Variants in KIRREL3 observed in about 807,000 individuals in gnomAD.
The protein encoded by KIRREL3 is kirre like nephrin family adhesion molecule 3, also known as kin of IRRE-like protein 3.
A neutral mutation model predicts 89.7 loss-of-function variants in KIRREL3; 36 were observed. That is an observed-to-expected ratio of 0.40 (90% CI 0.31 to 0.53). The LOEUF (loss-of-function observed/expected upper bound fraction) is 0.53. Ranked by LOEUF, KIRREL3 falls within the 20% of genes least tolerant of loss-of-function variation. The pLI is 0.49. For synonymous variants in KIRREL3, 445 were observed against 441.4 expected (o/e 1.01, Z -0.10); for missense variants, 864 against 1,056.6 (o/e 0.82, Z 2.53).
At chr11:126,972,655 A>G (rs555107157) in intron 1 of KIRREL3, among the ~76,000 whole-genome samples, 1 of 152,190 alleles carries the variant, frequency 6.6e-6, no homozygotes, top group African/African-American at 2.4e-5. Flanking sequence ...GACATGCCCA[A>G]TGTTGTTTTC....
intron 1 of KIRREL3, among the ~76,000 whole-genome samples, chr11:126,857,138 T>G (rs1278409864): frequency 6.6e-6 from 1 of 152,160 alleles, no homozygotes; most frequent in Non-Finnish European, 1.5e-5. Context: ...CTCCATACAC[T>G]GAAGGACATG....
At position 127,000,637 on chromosome 11, in the gene KIRREL3, G is replaced by A; in HGVS notation, c.-128C>T. The A allele has an allele frequency of 1.1e-6, 1 of 879,878 alleles. No homozygotes were observed. The highest frequency in any genetic ancestry group is 2.5e-5 in the Admixed American group (1 of 40,530). 54.5% of individuals were successfully genotyped at this position (879,878 alleles called of 1,614,324 possible). ...CGCGCCTACCATCTGTCCGTCCGTG[G>A]GTCCCTCCGGGTGGCTTCGGTCTCT... On this transcript the variant is annotated 5_prime_UTR_variant, in exon 1 of 17. Coordinates refer to ENST00000525144, the MANE Select transcript of KIRREL3 (RefSeq NM_032531.4). The surrounding 1 kb of genome is among the most constrained non-coding windows in gnomAD (Gnocchi z 7.1).
chr11:126,808,284 C>T lies in KIRREL3; in HGVS notation c.55+192171G>A, dbSNP rs1592156392. ...CTTATTTGAAAATTAAATGTCTTCA[C>T]TTCTTTTCCAGGAGGCTCCATGACC... On this transcript the variant is annotated intron_variant, in intron 1 of 16. Coordinates refer to ENST00000525144, the MANE Select transcript of KIRREL3 (RefSeq NM_032531.4). The surrounding 1 kb of genome is among the most constrained non-coding windows in gnomAD (Gnocchi z 4.1). 6.6e-6 allele frequency among the ~76,000 whole-genome samples: 1 copy of T among 152,176 alleles called. No homozygotes were observed. The highest frequency in any genetic ancestry group is 6.5e-5 in the Admixed American group (1 of 15,278).
intron 1 of KIRREL3, among the ~76,000 whole-genome samples, chr11:126,618,517 C>T (rs1394071074): frequency 6.6e-6 from 1 of 152,182 alleles, no homozygotes; most frequent in East Asian, 1.9e-4. Flanking sequence ...TCACTGCAAA[C>T]TCCGCCTCCT....
In KIRREL3 at chr11:126,581,775, C is replaced by T. The variant is rs114267241; in HGVS notation, c.56-18863G>A. Among the ~76,000 whole-genome samples the T allele has an allele frequency of 4.1e-3, 628 of 152,188 alleles. 3 individuals carry two copies. The highest frequency in any genetic ancestry group is 0.014 in the African/African-American group (597 of 41,518). ...TAATAGACAGGAGTCTCCTCTTGAACCAGGGTTATGTCTCAGAACCAGAGT... is the reference window on the plus strand; with the variant it reads ...TAATAGACAGGAGTCTCCTCTTGAATCAGGGTTATGTCTCAGAACCAGAGT... On this transcript the variant is annotated intron_variant, in intron 1 of 16. Coordinates refer to ENST00000525144, the MANE Select transcript of KIRREL3 (RefSeq NM_032531.4).
At chr11:126,815,707 G>A (rs1951547170) in intron 1 of KIRREL3, among the ~76,000 whole-genome samples, 1 of 151,944 alleles carries the variant, frequency 6.6e-6, no homozygotes, top group Non-Finnish European at 1.5e-5. Context: ...CTAATTTTTT[G>A]TATGTTTTTA....
chr11:126,851,352 T>A (rs777519842), intron 1 of KIRREL3, among the ~76,000 whole-genome samples: 40 of 152,142 alleles, frequency 2.6e-4, no homozygotes, highest in Non-Finnish European at 5.1e-4. Flanking sequence ...TATTCAGACA[T>A]TTGGGGTGCA....
chr11:126,481,128 T>C (rs1490308595), intron 4 of KIRREL3, among the ~76,000 whole-genome samples: 4 of 152,150 alleles, frequency 2.6e-5, no homozygotes, highest in African/African-American at 9.7e-5. Flanking sequence ...AGACAATAAA[T>C]GAATACACAA....
chr11:126,550,445 G>C lies in KIRREL3; in HGVS notation c.133+12390C>G, dbSNP rs943467049. 6 of 152,208 alleles carry C rather than the reference G, an allele frequency of 3.9e-5. No individual in the cohort carries two copies. Among genetic ancestry groups the C allele is most frequent in the African/African-American group, 1.4e-4 (6 of 41,458 alleles). The allele number at this position is 152,208 out of a possible 1,614,324, so 9.4% of individuals were successfully genotyped here. A position where few individuals can be genotyped will look rare whatever the true frequency, so the allele number is the denominator to read the frequency against. On this transcript the variant is annotated intron_variant, in intron 2 of 16. Coordinates refer to ENST00000525144, the MANE Select transcript of KIRREL3 (RefSeq NM_032531.4). The surrounding 1 kb of genome is among the most constrained non-coding windows in gnomAD (Gnocchi z 4.9). ...GTGGATCACCCGAGGTCAGGAGTTTGAGACCAGCCTGCCCAACATGGCGAA... is the reference window on the plus strand; with the variant it reads ...GTGGATCACCCGAGGTCAGGAGTTTCAGACCAGCCTGCCCAACATGGCGAA...
intron 2 of KIRREL3, among the ~76,000 whole-genome samples, chr11:126,540,027 T>A (rs1938232283): frequency 2.6e-5 from 4 of 152,304 alleles, no homozygotes; most frequent in South Asian, 2.1e-4. Flanking sequence ...CATATCGGGA[T>A]GGCAAGAGAT....
chr11:126,550,052 G>T lies in KIRREL3; in HGVS notation c.133+12783C>A, dbSNP rs1939135954. 6.6e-6 allele frequency: 1 copy of T among 152,200 alleles called. No individual in the cohort carries two copies. The highest frequency in any genetic ancestry group is 2.4e-5 in the African/African-American group (1 of 41,426). The allele number at this position is 152,200 out of a possible 1,614,324, so 9.4% of individuals were successfully genotyped here. The stretch of plus-strand genomic sequence containing the variant: ...TTATTCATACCCGGTTACCGCAACT[G>T]CGACATTGTATTGTAGTTGCTGACG... On this transcript the variant is annotated intron_variant, in intron 2 of 16. Coordinates refer to ENST00000525144, the MANE Select transcript of KIRREL3 (RefSeq NM_032531.4). The surrounding 1 kb of genome is among the most constrained non-coding windows in gnomAD (Gnocchi z 4.9).
chr11:126,721,529 CAAA>C lies in KIRREL3; in HGVS notation c.56-158620_56-158618del, dbSNP rs11410774. ...GGGCAACAAGAGTAAAACTCCGTCT[CAAA>C]AAAAAAAAAAAAAATAGAATCATGA... On this transcript the variant is annotated intron_variant, in intron 1 of 16. Transcript: ENST00000525144. 7.2e-3 allele frequency among the ~76,000 whole-genome samples: 971 copies of C among 135,784 alleles called. 14 individuals carry two copies. The highest frequency in any genetic ancestry group is 0.048 in the East Asian group (219 of 4,556). 89.1% of individuals were successfully genotyped at this position (135,784 alleles called of 152,430 possible).
chr11:126,857,750 C>A (rs1430687434), intron 1 of KIRREL3, among the ~76,000 whole-genome samples: 1 of 103,456 alleles, frequency 9.7e-6, no homozygotes, highest in Non-Finnish European at 1.8e-5. Context: ...AAGGAATCAG[C>A]CAATGCGTGT....
rs186551598 is a variant in KIRREL3 at position 126,945,427 on chromosome 11, G to T, written c.55+55028C>A. On this transcript the variant is annotated intron_variant, in intron 1 of 16. Transcript: ENST00000525144. ...TTCCAGCAGTTCACTCCTTTAAAGA[G>T]AAATCATTCTCTCCCGTGTCTCCGC... Among the ~76,000 whole-genome samples the T allele has an allele frequency of 2.6e-5, 4 of 152,282 alleles. No homozygotes were observed. The East Asian group carries it at 7.7e-4, about 29-fold the overall frequency.
At chr11:126,735,965 G>A (rs1201419553) in intron 1 of KIRREL3, among the ~76,000 whole-genome samples, 1 of 152,186 alleles carries the variant, frequency 6.6e-6, no homozygotes, top group African/African-American at 2.4e-5. Context: ...TTCAGCAGAG[G>A]TCTGGGTTTA....
At position 126,606,900 on chromosome 11, in the gene KIRREL3, G is replaced by A. The variant is rs1942913047; in HGVS notation, c.56-43988C>T. The stretch of plus-strand genomic sequence containing the variant: ...CAAGGGAGGACTCTGGATGGGAAAG[G>A]GGAGAAGCTCAGATGATGGGAAGGG... On this transcript the variant is annotated intron_variant, in intron 1 of 16. Transcript: ENST00000525144. This position sits in a 1 kb window ranked among gnomAD's most constrained non-coding sequence, Gnocchi z 4.6. Among the ~76,000 whole-genome samples the A allele has an allele frequency of 6.6e-6, 1 of 152,060 alleles. No individual in the cohort carries two copies. The highest frequency in any genetic ancestry group is 6.6e-5 in the Admixed American group (1 of 15,266).
At chr11:126,871,705 T>C (rs1945115502) in intron 1 of KIRREL3, among the ~76,000 whole-genome samples, 1 of 152,180 alleles carries the variant, frequency 6.6e-6, no homozygotes, top group South Asian at 2.1e-4. Context: ...TTTGAGCATC[T>C]TCATGATAAT....
intron 4 of KIRREL3, among the ~76,000 whole-genome samples, chr11:126,473,977 T>G (rs1428631571): frequency 6.9e-6 from 1 of 145,162 alleles, no homozygotes; most frequent in Non-Finnish European, 1.5e-5. Context: ...TTTTTTTTTG[T>G]ATTTTAAGTA....
intron 1 of KIRREL3, among the ~76,000 whole-genome samples, chr11:126,600,835 C>T (rs1333486544): frequency 6.6e-6 from 1 of 152,182 alleles, no homozygotes; most frequent in Non-Finnish European, 1.5e-5. Flanking sequence ...CTTAAACTTT[C>T]CTCCTCTGGG....
Sources: gnomAD v4.1 joint callset for allele counts (sites outside exome capture counted in the v4.1 genomes callset) on GRCh38, gnomAD v4.1.1 for gene constraint, Gnocchi (gnomAD v3.1) non-coding constraint, MANE v1.5 for transcripts, NCBI Gene and HGNC (gene_info 2026-07-23, HGNC 2026-07-21) for gene names.